The following ZNF425 variants were observed in gnomAD, a reference collection of about 807,000 sequenced individuals.
ZNF425 encodes zinc finger protein 425.
A neutral mutation model predicts 17.0 loss-of-function variants in ZNF425; 21 were observed. The observed-to-expected ratio is 1.23, with a 90% CI of 0.88 to 1.78. ZNF425 has a LOEUF of 1.78. Among genes scored for constraint, ZNF425 ranks in the 40% most tolerant of loss-of-function variants. The pLI is 0.00. For synonymous variants in ZNF425, 433 were observed against 384.1 expected, an observed-to-expected ratio of 1.13 and a Z score of -1.49; for missense variants, 868 against 967.3, an observed-to-expected ratio of 0.90 and a Z score of 1.36.
chr7:149,119,642 A>G (rs1488809713), intron 1 of ZNF425, among the ~76,000 whole-genome samples: 2 of 152,130 alleles, frequency 1.3e-5, no homozygotes, highest in Non-Finnish European at 2.9e-5. Context: ...TGCTTTAAAA[A>G]TAAAAGCCAG....
At chr7:149,107,218 T>A (rs973812519) in intron 3 of ZNF425, among the ~76,000 whole-genome samples, 1 of 152,014 alleles carries the variant, frequency 6.6e-6, no homozygotes, top group Non-Finnish European at 1.5e-5. Context: ...TAGAAAATAT[T>A]TTTCTTAGGA....
chr7:149,124,155 C>CTATT (rs745503873), intron 1 of ZNF425, among the ~76,000 whole-genome samples: 3 of 139,146 alleles, frequency 2.2e-5, no homozygotes, highest in Non-Finnish European at 4.7e-5. Flanking sequence ...CCTGGCCTTG[C>CTATT]TATTTATTTA....
chr7:149,126,302 C>T lies in ZNF425; in HGVS notation c.-89G>A. ...TCCCAGGTACAGCCCTGCTGGCCCC[C>T]AAAGGCAGAGCCGGCCGGGCGCGGT... On this transcript the variant is annotated 5_prime_UTR_variant, in exon 1 of 4. Transcript: ENST00000378061. 1 of 1,522,908 alleles carries T rather than the reference C, an allele frequency of 6.6e-7. No individual in the cohort carries two copies. The highest frequency in any genetic ancestry group is 8.8e-7 in the Non-Finnish European group (1 of 1,134,288). 94.3% of individuals were successfully genotyped at this position (1,522,908 alleles called of 1,614,324 possible).
At chr7:149,114,634 T>A (rs114872357) in intron 2 of ZNF425, among the ~76,000 whole-genome samples, 100 of 151,936 alleles carry the variant, frequency 6.6e-4, no homozygotes, top group African/African-American at 2.2e-3. Context: ...CCTAACCTCA[T>A]GATCCACTCA....
chr7:149,126,215 G>A lies in ZNF425; in HGVS notation c.-2C>T. 6.2e-7 allele frequency: 1 copy of A among 1,611,780 alleles called. No homozygotes were observed. Among genetic ancestry groups the A allele is most frequent in the Non-Finnish European group, 8.5e-7 (1 of 1,179,290 alleles). On this transcript the variant is annotated 5_prime_UTR_variant, in exon 1 of 4. Transcript: ENST00000378061. ...TCTTACCGAAGCCGGCTCGGCCATG[G>A]CGGTTCCGCACGAACCGGCCCTGCC...
At position 149,121,391 on chromosome 7, in the gene ZNF425, G is replaced by A. The variant is rs1826349095; in HGVS notation, c.19-3043C>T. 4.4e-4 allele frequency among the ~76,000 whole-genome samples: 2 copies of A among 4,496 alleles called. 1 individual carries two copies. Among genetic ancestry groups the A allele is most frequent in the Non-Finnish European group, 1.1e-3 (2 of 1,900 alleles). The allele number at this position is 4,496 out of a possible 152,430, so 2.9% of individuals were successfully genotyped here. ...ATTACAGGCGTGAGCCACCGCGCCC[G>A]GCCTTTTTTTTTTTTTTTGAGAGGG... On this transcript the variant is annotated intron_variant, in intron 1 of 3. Coordinates refer to ENST00000378061, the MANE Select transcript of ZNF425 (RefSeq NM_001001661.3).
chr7:149,124,773 T>A (rs1055091927), intron 1 of ZNF425, among the ~76,000 whole-genome samples: 2 of 151,252 alleles, frequency 1.3e-5, no homozygotes, highest in Non-Finnish European at 2.9e-5. Flanking sequence ...ACTCCCGACC[T>A]CAGGTGATCC....
chr7:149,117,611 A>T (rs929123780), intron 2 of ZNF425, among the ~76,000 whole-genome samples: 1 of 4,598 alleles, frequency 2.2e-4, no homozygotes, highest in African/African-American at 4.9e-4. Context: ...TTCTTTTAAA[A>T]AAAAAGGGGC....
chr7:149,124,385 G>C (rs1028889559), intron 1 of ZNF425, among the ~76,000 whole-genome samples: 5 of 151,972 alleles, frequency 3.3e-5, no homozygotes, highest in Non-Finnish European at 7.4e-5. Context: ...TCGATCTCCT[G>C]ACCTCATGAT....
intron 1 of ZNF425, among the ~76,000 whole-genome samples, chr7:149,124,761 G>A (rs374916441): frequency 7.3e-5 from 11 of 150,402 alleles, no homozygotes; most frequent in African/African-American, 2.0e-4. Flanking sequence ...GGCTGGTCTC[G>A]AACTCCCGAC....
intron 2 of ZNF425, among the ~76,000 whole-genome samples, chr7:149,116,778 A>G (rs762089045): frequency 4.7e-5 from 7 of 148,716 alleles, no homozygotes; most frequent in Non-Finnish European, 6.0e-5. Flanking sequence ...GGTCTCAACA[A>G]CCTGAGCCCA....
At chr7:149,119,568 C>T (rs1212873053) in intron 1 of ZNF425, among the ~76,000 whole-genome samples, 1 of 152,122 alleles carries the variant, frequency 6.6e-6, no homozygotes, top group Non-Finnish European at 1.5e-5. Context: ...AAAAACACAA[C>T]TACAGTCAGC....
chr7:149,121,642 G>A (rs552545218), intron 1 of ZNF425, among the ~76,000 whole-genome samples: 3 of 152,086 alleles, frequency 2.0e-5, no homozygotes, highest in Non-Finnish European at 4.4e-5. Flanking sequence ...CGCCCACCTC[G>A]GCCTCCCAAA....
At chr7:149,118,484 C>T (rs1826302679) in intron 1 of ZNF425, 136 bp from the exon 2 acceptor site, 1 of 1,088,732 alleles carries the variant, frequency 9.2e-7, no homozygotes, top group Non-Finnish European at 1.3e-6. Context: ...AAATAAACAA[C>T]AAAGGGGTCA....
chr7:149,104,261 C>G lies in ZNF425; in HGVS notation c.1610G>C (p.Arg537Pro). 1 of 1,613,520 alleles carries G rather than the reference C, an allele frequency of 6.2e-7. No homozygotes were observed. Among genetic ancestry groups the G allele is most frequent in the Non-Finnish European group, 8.5e-7 (1 of 1,179,816 alleles). Residue 537 changes from arginine (R) to proline (P), a missense_variant, in exon 4 of 4, where the codon CGA (arginine) becomes CCA (proline). By Grantham distance (103) the Arg-to-Pro change is moderately radical. This residue lies in a region of ZNF425 where 437 missense variants were observed against 444.2 expected (regional missense o/e 0.98). Transcript: ENST00000378061. The surrounding 1 kb of genome is among the most constrained non-coding windows in gnomAD (Gnocchi z 4.3). ...CGTGTGCTCTGTGAGATGCGCGCGT[C>G]GGCGGAAACTGCGGCCGCACTCGGC... ...SCAECGRSFR[R>P]RAHLTEHTRL... is the part of the protein sequence containing the mutation.
chr7:149,122,206 A>C (rs952130370), intron 1 of ZNF425, among the ~76,000 whole-genome samples: 1 of 151,210 alleles, frequency 6.6e-6, no homozygotes, highest in South Asian at 2.1e-4. Context: ...TGCTGGGATT[A>C]CAGGTGTGAG....
intron 3 of ZNF425, among the ~76,000 whole-genome samples, chr7:149,110,991 C>T (rs373545059): frequency 7.9e-5 from 12 of 151,612 alleles, no homozygotes; most frequent in East Asian, 6.0e-4. Context: ...GAGGGGGTTT[C>T]GCCATGTTGG....
chr7:149,118,100 G>T, intron 2 of ZNF425, 122 bp downstream of exon 2: 1 of 1,042,778 alleles, frequency 9.6e-7, no homozygotes, highest in Non-Finnish European at 1.4e-6. Flanking sequence ...AAAGGGAGGA[G>T]ACATTATGAA....
At position 149,104,037 on chromosome 7, in the gene ZNF425, A is replaced by G. The variant is rs1380914149; in HGVS notation, c.1834T>C (p.Cys612Arg). 2 of 1,613,776 alleles carry G rather than the reference A, an allele frequency of 1.2e-6. No individual in the cohort carries two copies. Among genetic ancestry groups the G allele is most frequent in the Non-Finnish European group, 1.7e-6 (2 of 1,179,988 alleles). ...RLHSGEKPYQ[C>R]PECEKTFRLK... is the part of the protein sequence containing the mutation. ...CGGAAAGTCTTCTCGCATTCAGGACACTGGTAGGGCTTCTCTCCACTGTGC... is the reference window on the plus strand; with the variant it reads ...CGGAAAGTCTTCTCGCATTCAGGACGCTGGTAGGGCTTCTCTCCACTGTGC... Residue 612 changes from cysteine (C) to arginine (R), a missense_variant, in exon 4 of 4, where the codon TGT becomes CGT. Transcript: ENST00000378061. The surrounding 1 kb of genome is among the most constrained non-coding windows in gnomAD (Gnocchi z 4.3).
Sources: gnomAD v4.1 joint callset for allele counts (sites outside exome capture counted in the v4.1 genomes callset) on GRCh38, gnomAD v4.1.1 for gene constraint, gnomAD v4.1.1 regional missense constraint, Gnocchi (gnomAD v3.1) non-coding constraint, MANE v1.5 for transcripts, NCBI Gene and HGNC (gene_info 2026-07-23, HGNC 2026-07-21) for gene names.